The following LSS variants were observed in gnomAD, a reference collection of about 807,000 sequenced individuals.
The protein encoded by LSS is 2,3-epoxysqualene-lanosterol cyclase.
In LSS, 90 loss-of-function variants were observed where a neutral mutation model predicts 110.3. The observed-to-expected ratio is 0.82, with a 90% CI of 0.69 to 0.97. LSS has a LOEUF of 0.97. Among genes scored for constraint, LSS ranks in the 50% least tolerant of loss-of-function variants. The pLI is 0.00. For synonymous variants in LSS, 433 were observed against 400.0 expected (o/e 1.08, Z -0.98); for missense variants, 927 against 990.0 (o/e 0.94, Z 0.85).
At chr21:46,202,203 G>GCTA (rs1167017779) in intron 17 of LSS, among the ~76,000 whole-genome samples, 17 of 142,140 alleles carry the variant, frequency 1.2e-4, no homozygotes, top group Non-Finnish European at 2.5e-4. Flanking sequence ...GACCATCCTG[G>GCTA]CTAAAACGGT....
At position 46,209,636 on chromosome 21, in the gene LSS, C is replaced by G. The variant is rs758379607; in HGVS notation, c.1195-11G>C. 6.4e-5 allele frequency: 102 copies of G among 1,606,130 alleles called. No individual in the cohort carries two copies. The highest frequency in any genetic ancestry group is 8.4e-5 in the Non-Finnish European group (99 of 1,176,796). On this transcript the variant is annotated splice_polypyrimidine_tract_variant and intron_variant, in intron 12 of 21. Coordinates refer to ENST00000397728, the MANE Select transcript of LSS (RefSeq NM_002340.6). This position sits in a 1 kb window ranked among gnomAD's most constrained non-coding sequence, Gnocchi z 4.4. ...GTGGTGCCCGCCCGCCTGGAAGAGA[C>G]AGCAGGACAGAGAGGCTCAGCTGCC...
At position 46,219,445 on chromosome 21, in the gene LSS, G is replaced by T. The variant is rs200929775; in HGVS notation, c.647+31C>A. 1.4e-5 allele frequency: 22 copies of T among 1,517,752 alleles called. No homozygotes were observed. In the South Asian group the frequency reaches 2.5e-4, roughly 17 times the overall value. The allele number at this position is 1,517,752 out of a possible 1,614,324, so 94.0% of individuals were successfully genotyped here. A position where few individuals can be genotyped will look rare whatever the true frequency, so the allele number is the denominator to read the frequency against. On this transcript the variant is annotated intron_variant, in intron 6 of 21. Transcript: ENST00000397728. ...CTCTACTCCCCGGGACAGCAGCAGC[G>T]ACCCAACAACCCAATCAACAGCAGA...
intron 2 of LSS, 136 bp downstream of exon 2, chr21:46,228,298 G>A: frequency 1.0e-6 from 1 of 982,362 alleles, no homozygotes; most frequent in Non-Finnish European, 1.5e-6. Flanking sequence ...CGCGAACGCA[G>A]TTCCCGTGGG....
intron 16 of LSS, 102 bp from the exon 17 acceptor site, chr21:46,206,043 C>T (rs777099215): frequency 6.0e-5 from 52 of 860,056 alleles, no homozygotes; most frequent in Non-Finnish European, 8.7e-5. Context: ...GCAGTGAGCC[C>T]GGGCCCGGAC....
At chr21:46,201,867 G>A (rs1373509196) in intron 17 of LSS, among the ~76,000 whole-genome samples, 17 of 149,012 alleles carry the variant, frequency 1.1e-4, no homozygotes, top group African/African-American at 3.7e-4. Context: ...GCACCATCTC[G>A]GCTCACTGCA....
At chr21:46,199,961 T>C (rs1489244211) in intron 17 of LSS, among the ~76,000 whole-genome samples, 1 of 152,202 alleles carries the variant, frequency 6.6e-6, no homozygotes, top group Non-Finnish European at 1.5e-5. Context: ...AATTTATGAA[T>C]GTTGCAAACG....
chr21:46,191,712 G>A (rs562702818), intron 21 of LSS, among the ~76,000 whole-genome samples, 169 bp downstream of exon 21: 3 of 152,286 alleles, frequency 2.0e-5, no homozygotes, highest in African/African-American at 4.8e-5. Context: ...TTTAGGACCC[G>A]ACCACCTGCC....
rs565821206 is a variant in LSS, at chr21:46,192,857, G to A, written c.1989-898C>T. On this transcript the variant is annotated intron_variant, in intron 20 of 21. Coordinates refer to ENST00000397728, the MANE Select transcript of LSS (RefSeq NM_002340.6). ...GTGTGTGGCACAGATGGGATACTGC[G>A]GGTGCATCTGCATATGTGTGCACAG... is the stretch of plus-strand genomic sequence containing the variant. The A allele has an allele frequency of 9.2e-4, 413 of 450,072 alleles. 5 individuals are homozygous for A. Among genetic ancestry groups the A allele is most frequent in the African/African-American group, 3.8e-3 (184 of 47,948 alleles). 27.9% of individuals were successfully genotyped at this position (450,072 alleles called of 1,614,324 possible).
At chr21:46,204,715 C>T (rs570817600) in intron 17 of LSS, among the ~76,000 whole-genome samples, 30 of 152,130 alleles carry the variant, frequency 2.0e-4, no homozygotes, top group Admixed American at 7.9e-4. Context: ...CTGGCATTTC[C>T]GGTAATTTTT....
intron 17 of LSS, among the ~76,000 whole-genome samples, chr21:46,198,270 A>G (rs1414325775): frequency 7.3e-6 from 1 of 136,656 alleles, no homozygotes; most frequent in Admixed American, 7.1e-5. Context: ...CGTCCCTTAA[A>G]AAAAAAAAAA....
chr21:46,195,702 G>C lies in LSS; in HGVS notation c.1791C>G (p.Ala597=). 1 of 1,613,646 alleles carries C rather than the reference G, an allele frequency of 6.2e-7. No homozygotes were observed. The highest frequency in any genetic ancestry group is 1.1e-5 in the South Asian group (1 of 91,050). ...CATCTCGGTAGGTCTGCCCCATACAGGCGAAGGCCTCCAGGCCAAACCAGG... is the reference window on the plus strand; with the variant it reads ...CATCTCGGTAGGTCTGCCCCATACACGCGAAGGCCTCCAGGCCAAACCAGG... ...YGTWFGLEAF[A]CMGQTYRDGT... Residue 597 remains alanine, a synonymous_variant, in exon 19 of 22, where the codon GCC becomes GCG. Coordinates refer to ENST00000397728, the MANE Select transcript of LSS (RefSeq NM_002340.6).
At chr21:46,214,362 A>G (rs2080172425) in intron 9 of LSS, among the ~76,000 whole-genome samples, 1 of 152,206 alleles carries the variant, frequency 6.6e-6, no homozygotes, top group Non-Finnish European at 1.5e-5. Flanking sequence ...TGTGCTCTAT[A>G]TGGGATTAAA....
At chr21:46,225,830 C>T (rs867611081) in intron 3 of LSS, among the ~76,000 whole-genome samples, 3 of 152,260 alleles carry the variant, frequency 2.0e-5, no homozygotes, top group South Asian at 2.1e-4. Flanking sequence ...CCTTACCCTG[C>T]CCCTTTGTCT....
chr21:46,201,788 G>C (rs575142426), intron 17 of LSS, among the ~76,000 whole-genome samples: 1 of 140,010 alleles, frequency 7.1e-6, no homozygotes, highest in Non-Finnish European at 1.6e-5. Context: ...AACTCTCCAG[G>C]TAAGTTTAAA....
At chr21:46,192,311 G>A (rs2079828281) in intron 20 of LSS, 1 of 422,692 alleles carries the variant, frequency 2.4e-6, no homozygotes, top group Non-Finnish European at 4.4e-6. Context: ...CTTGCTTGCT[G>A]GCCAGGATAA....
Position 46,191,039 on chromosome 21 carries a change from A to C in LSS, c.*65T>G. ...AGACAGGGTTATGGGAGGGCTCCCC[A>C]ACCCGGCCAGGACCCCTTGGCCTCA... On this transcript the variant is annotated 3_prime_UTR_variant, in exon 22 of 22. Transcript: ENST00000397728. The C allele has an allele frequency of 1.3e-6, 2 of 1,597,474 alleles. No individual in the cohort carries two copies. The highest frequency in any genetic ancestry group is 1.7e-6 in the Non-Finnish European group (2 of 1,169,548).
chr21:46,228,142 AC>A (rs1239119755), intron 2 of LSS, among the ~76,000 whole-genome samples: 1 of 152,244 alleles, frequency 6.6e-6, no homozygotes, highest in Non-Finnish European at 1.5e-5. Context: ...GGATCCAAAC[AC>A]TTTTTGTGAA....
chr21:46,194,377 G>A, intron 20 of LSS, 114 bp downstream of exon 20: 1 of 1,268,482 alleles, frequency 7.9e-7, no homozygotes, highest in South Asian at 1.3e-5. Context: ...CAGCTGACCT[G>A]GCCCACAGGC....
chr21:46,192,314 C>A (rs974304877), intron 20 of LSS: 3 of 416,358 alleles, frequency 7.2e-6, no homozygotes, highest in Non-Finnish European at 1.4e-5. Flanking sequence ...GCTTGCTGGC[C>A]AGGATAAGAC....
Sources: gnomAD v4.1 joint callset for allele counts (sites outside exome capture counted in the v4.1 genomes callset) on GRCh38, gnomAD v4.1.1 for gene constraint, Gnocchi (gnomAD v3.1) non-coding constraint, MANE v1.5 for transcripts, NCBI Gene and HGNC (gene_info 2026-07-23, HGNC 2026-07-21) for gene names.